The following SPATS2L variants were observed in gnomAD, a reference collection of about 807,000 sequenced individuals.
The protein encoded by SPATS2L is SPATS2-like protein.
Under a neutral mutation model 59.6 loss-of-function variants are expected in SPATS2L, and 30 were observed. The ratio of observed to expected loss-of-function variants is 0.50; its 90% CI spans 0.38 to 0.68. The LOEUF (loss-of-function observed/expected upper bound fraction) is 0.68. Ranked by LOEUF, SPATS2L falls within the 30% of genes least tolerant of loss-of-function variation. The pLI, the probability that SPATS2L is intolerant of heterozygous loss-of-function variation, is 0.00. For missense variants in SPATS2L, 615 were observed against 700.0 expected (o/e 0.88, Z 1.37); for synonymous variants, 252 against 263.5 (o/e 0.96, Z 0.42).
At chr2:200,366,195 A>G (rs964274843) in intron 2 of SPATS2L, among the ~76,000 whole-genome samples, 4 of 152,224 alleles carry the variant, frequency 2.6e-5, no homozygotes, top group Admixed American at 6.5e-5. Context: ...GCAAAGTACA[A>G]GTTAGGTGGA....
Position 200,472,837 on chromosome 2 carries a change from C to T in SPATS2L, c.1066C>T (p.His356Tyr). 1 of 1,613,840 alleles carries T rather than the reference C, an allele frequency of 6.2e-7. No individual in the cohort carries two copies. Among genetic ancestry groups the T allele is most frequent in the South Asian group, 1.1e-5 (1 of 91,086 alleles). Reference protein sequence around the residue: ...AQIMLCGEITHPKNNYSSRTP... With the variant: ...AQIMLCGEITYPKNNYSSRTP... ...TGAGCACTTTATTATTGCAGTTACACATCCAAAGAACAACTATTCCTCAAG... is the reference window on the plus strand; with the variant it reads ...TGAGCACTTTATTATTGCAGTTACATATCCAAAGAACAACTATTCCTCAAG... Residue 356 changes from histidine to tyrosine, a missense_variant, in exon 12 of 13, where the codon CAT becomes TAT. Physicochemically the swap from His to Tyr is moderately conservative, Grantham distance 83. Transcript: ENST00000409140.
At chr2:200,477,515 TA>T (rs59073895) in intron 12 of SPATS2L, 120 bp from the exon 13 acceptor site, 48,724 of 291,936 alleles carry the variant, frequency 0.17, 3,414 homozygotes, top group Admixed American at 0.27. Context: ...TTCTGGTGTA[TA>T]AAAAAAAAAA....
At chr2:200,414,926 C>G (rs770201137) in intron 4 of SPATS2L, among the ~76,000 whole-genome samples, 1 of 152,176 alleles carries the variant, frequency 6.6e-6, no homozygotes, top group Non-Finnish European at 1.5e-5. Flanking sequence ...CAATAAGCAA[C>G]TCACCACCAC....
intron 1 of SPATS2L, among the ~76,000 whole-genome samples, chr2:200,310,077 A>G (rs952417898): frequency 6.6e-6 from 1 of 152,188 alleles, no homozygotes; most frequent in Admixed American, 6.5e-5. Context: ...TCCTTGCATC[A>G]TACAAATCTT....
intron 2 of SPATS2L, among the ~76,000 whole-genome samples, chr2:200,340,661 G>A (rs574483135): frequency 3.3e-5 from 5 of 152,206 alleles, no homozygotes; most frequent in Middle Eastern, 3.4e-3. Flanking sequence ...CACATTGTCC[G>A]GATGGAGGAC....
intron 2 of SPATS2L, among the ~76,000 whole-genome samples, chr2:200,333,897 TATC>T (rs1468927689): frequency 7.8e-6 from 1 of 127,552 alleles, no homozygotes; most frequent in East Asian, 4.1e-4. Flanking sequence ...TAATCCAGTC[TATC>T]ATTGTTGGAC....
At chr2:200,470,392 G>C (rs531086775) in intron 11 of SPATS2L, among the ~76,000 whole-genome samples, 1 of 152,330 alleles carries the variant, frequency 6.6e-6, no homozygotes, top group African/African-American at 2.4e-5. Context: ...GGAACAATCA[G>C]TTATTGTTGT....
intron 11 of SPATS2L, among the ~76,000 whole-genome samples, chr2:200,471,300 A>G (rs1574731690): frequency 6.6e-6 from 1 of 152,062 alleles, no homozygotes; most frequent in East Asian, 1.9e-4. Flanking sequence ...GAAAGAATCT[A>G]CCTATTTGCC....
chr2:200,429,147 CTGG>C (rs2083754117), intron 6 of SPATS2L, among the ~76,000 whole-genome samples: 3 of 152,180 alleles, frequency 2.0e-5, no homozygotes, highest in Admixed American at 1.3e-4. Flanking sequence ...TTTAGCTATG[CTGG>C]TCTCTGTTTG....
chr2:200,346,321 A>G (rs2105832549), intron 2 of SPATS2L, among the ~76,000 whole-genome samples: 1 of 152,286 alleles, frequency 6.6e-6, no homozygotes, highest in Non-Finnish European at 1.5e-5. Flanking sequence ...GGAACATTAG[A>G]AAGATGACCT....
At chr2:200,460,173 G>A (rs1290535465) in intron 9 of SPATS2L, among the ~76,000 whole-genome samples, 1 of 152,116 alleles carries the variant, frequency 6.6e-6, no homozygotes, top group African/African-American at 2.4e-5. Flanking sequence ...ACTGAATTTA[G>A]TATTAGATTT....
At chr2:200,469,393 A>G (rs1175128649) in intron 10 of SPATS2L, among the ~76,000 whole-genome samples, 1 of 152,224 alleles carries the variant, frequency 6.6e-6, no homozygotes, top group Admixed American at 6.5e-5. Context: ...CTTAATTTTA[A>G]ATGAATGGAA....
chr2:200,448,494 T>C (rs1200646323), intron 8 of SPATS2L, among the ~76,000 whole-genome samples: 1 of 152,130 alleles, frequency 6.6e-6, no homozygotes, highest in Admixed American at 6.5e-5. Context: ...GAGTTCAGTG[T>C]GTTTTTGGTT....
chr2:200,379,886 C>T (rs1255961130), intron 2 of SPATS2L, among the ~76,000 whole-genome samples: 4 of 152,010 alleles, frequency 2.6e-5, no homozygotes, highest in Non-Finnish European at 5.9e-5. Flanking sequence ...TTGAAAGAAC[C>T]GAGTATAATT....
chr2:200,432,120 G>T (rs1170218164), intron 6 of SPATS2L, among the ~76,000 whole-genome samples: 1 of 152,128 alleles, frequency 6.6e-6, no homozygotes, highest in Non-Finnish European at 1.5e-5. Flanking sequence ...TTATAGTAAA[G>T]AAATTTTTAA....
intron 2 of SPATS2L, among the ~76,000 whole-genome samples, chr2:200,376,183 T>C (rs930049663): frequency 3.3e-5 from 5 of 152,216 alleles, no homozygotes; most frequent in African/African-American, 4.8e-5. Flanking sequence ...GGAATTCTTT[T>C]TGTAACGTAT....
intron 2 of SPATS2L, among the ~76,000 whole-genome samples, chr2:200,358,701 T>G (rs1228580089): frequency 6.6e-6 from 1 of 152,126 alleles, no homozygotes; most frequent in East Asian, 1.9e-4. Context: ...GTTTAAGAGT[T>G]TTTTAGCTGG....
rs962333359 is a variant in SPATS2L at position 200,479,942 on chromosome 2, C to T, written c.*1911C>T. The T allele has an allele frequency of 7.6e-6, 3 of 392,744 alleles. No individual in the cohort carries two copies. The highest frequency in any genetic ancestry group is 1.3e-5 in the Non-Finnish European group (3 of 223,078). The allele number at this position is 392,744 out of a possible 1,614,324, so 24.3% of individuals were successfully genotyped here. On this transcript the variant is annotated 3_prime_UTR_variant, in exon 13 of 13. Coordinates refer to ENST00000409140, the MANE Select transcript of SPATS2L (RefSeq NM_001100423.2). ...TTCCAGGAAGGAAGGAAGAGTTGTT[C>T]GTTCAAATAAGAAAGATAAATGTTC...
intron 9 of SPATS2L, among the ~76,000 whole-genome samples, chr2:200,460,509 G>A (rs771305662): frequency 6.6e-6 from 1 of 152,072 alleles, no homozygotes; most frequent in Non-Finnish European, 1.5e-5. Flanking sequence ...ACTTTAGGAG[G>A]CCGAGGCAGG....
Sources: gnomAD v4.1 joint callset for allele counts (sites outside exome capture counted in the v4.1 genomes callset) on GRCh38, gnomAD v4.1.1 for gene constraint, MANE v1.5 for transcripts, NCBI Gene and HGNC (gene_info 2026-07-23, HGNC 2026-07-21) for gene names.